PHLDB1: variants seen among roughly 807,000 people sequenced by gnomAD.
PHLDB1 encodes the protein pleckstrin homology-like domain family B member 1.
A neutral mutation model predicts 139.3 loss-of-function variants in PHLDB1; 65 were observed. The ratio of observed to expected loss-of-function variants is 0.47; its 90% confidence interval spans 0.38 to 0.57. The LOEUF (loss-of-function observed/expected upper bound fraction) is 0.57. PHLDB1 is among the 20% of genes least tolerant of loss of function. The pLI is 0.00. For missense variants in PHLDB1, 1,624 were observed against 1,839.7 expected (o/e 0.88, Z 2.14); for synonymous variants, 679 against 734.5 (o/e 0.92, Z 1.22).
At chr11:118,639,118 C>G in intron 11 of PHLDB1, 44 bp from the exon 12 acceptor site, 1 of 1,594,376 alleles carries the variant, frequency 6.3e-7, no homozygotes, top group Non-Finnish European at 8.6e-7. Flanking sequence ...CACACAGTCT[C>G]CTGGCTCCCA....
chr11:118,647,880 T>G (rs1591750365), intron 17 of PHLDB1, 50 bp from the exon 18 acceptor site: 5 of 1,535,698 alleles, frequency 3.3e-6, no homozygotes, highest in South Asian at 2.4e-5. Flanking sequence ...AGAGGGCCAG[T>G]GGGGGGAAGA....
intron 1 of PHLDB1, among the ~76,000 whole-genome samples, chr11:118,612,879 G>A (rs537395158): frequency 2.6e-5 from 4 of 152,282 alleles, no homozygotes; most frequent in African/African-American, 9.6e-5. Flanking sequence ...CAGCAAGTGG[G>A]AAGTTTCTCA....
rs1944198190 is a variant in PHLDB1 at position 118,628,212 on chromosome 11, T to C, written c.1389T>C (p.Ser463=). 1.2e-6 allele frequency: 2 copies of C among 1,614,032 alleles called. No individual in the cohort carries two copies. Among genetic ancestry groups the C allele is most frequent in the Non-Finnish European group, 1.7e-6 (2 of 1,179,960 alleles). The change falls in exon 6 of 23, where the codon TCT becomes TCC. Residue 463 remains serine, a synonymous_variant. Transcript: ENST00000600882. Reference sequence around the variant, plus strand: ...GAGAACTACCCCCCTTAAGTCCATCTCTGTCCCGGCGAGCTCTCTCCCCGC... The same window carrying C: ...GAGAACTACCCCCCTTAAGTCCATCCCTGTCCCGGCGAGCTCTCTCCCCGC... ...SMRELPPLSP[S]LSRRALSPLP...
intron 15 of PHLDB1, chr11:118,644,674 C>T (rs1470294793): frequency 7.8e-7 from 1 of 1,290,006 alleles, no homozygotes; most frequent in South Asian, 1.2e-5. Flanking sequence ...GAGCCCCTCC[C>T]AACCGACGAC....
At chr11:118,627,260 C>T in intron 5 of PHLDB1, 45 bp from the exon 6 acceptor site, 2 of 1,597,216 alleles carry the variant, frequency 1.3e-6, no homozygotes, top group South Asian at 1.1e-5. Flanking sequence ...GGCTTTTATG[C>T]ATATGCAGCT....
intron 4 of PHLDB1, chr11:118,621,505 C>A (rs1469300900): frequency 2.0e-5 from 3 of 152,138 alleles, no homozygotes; most frequent in Non-Finnish European, 4.4e-5. Flanking sequence ...CCCGAGCTAG[C>A]GGGGGCGAGC....
At chr11:118,641,665 C>G in intron 12 of PHLDB1, 7 of 1,289,306 alleles carry the variant, frequency 5.4e-6, no homozygotes, top group Non-Finnish European at 7.1e-6. Context: ...GCCCATGCCC[C>G]CAGCCCCTGT....
At chr11:118,654,894 T>C (rs548454888) in intron 20 of PHLDB1, 1 of 152,262 alleles carries the variant, frequency 6.6e-6, no homozygotes, top group African/African-American at 2.4e-5. Flanking sequence ...ATTTTTGTAT[T>C]TTGAGTAGAG....
intron 6 of PHLDB1, among the ~76,000 whole-genome samples, chr11:118,630,347 T>G (rs1190768263): frequency 1.3e-5 from 2 of 151,288 alleles, no homozygotes; most frequent in African/African-American, 2.4e-5. Flanking sequence ...TGGAGAGGGG[T>G]GGATGAAGTG....
At chr11:118,640,074 C>T in intron 12 of PHLDB1, 3 of 807,864 alleles carry the variant, frequency 3.7e-6, no homozygotes, top group Non-Finnish European at 4.5e-6. Flanking sequence ...CCCCTGCCTA[C>T]AGCTCCTCCC....
chr11:118,622,480 G>C (rs1555096037), intron 4 of PHLDB1, among the ~76,000 whole-genome samples: 1 of 152,218 alleles, frequency 6.6e-6, no homozygotes, highest in African/African-American at 2.4e-5. Flanking sequence ...AGGCAGCATG[G>C]CCACACCCCC....
chr11:118,642,817 G>T (rs948098314), intron 13 of PHLDB1, among the ~76,000 whole-genome samples: 1 of 152,216 alleles, frequency 6.6e-6, no homozygotes, highest in Non-Finnish European at 1.5e-5. Flanking sequence ...CCAGTATTTT[G>T]TTCTCCTGGT....
rs1477919684 is a variant in PHLDB1, at chr11:118,645,094, G to T, written c.3122-262G>T. 1.6e-5 allele frequency: 7 copies of T among 432,920 alleles called. No homozygotes were observed. The East Asian group carries it at 2.6e-4, about 16-fold the overall frequency. 26.8% of individuals were successfully genotyped at this position (432,920 alleles called of 1,614,324 possible). ...TGCTGCCCCAGCACTACTTGGGTAGGTTTGGTGTCCTATATGGACTCAGGG... is the reference window on the plus strand; with the variant it reads ...TGCTGCCCCAGCACTACTTGGGTAGTTTTGGTGTCCTATATGGACTCAGGG... On this transcript the variant is annotated intron_variant, in intron 15 of 22. Transcript: ENST00000600882. This position sits in a 1 kb window ranked among gnomAD's most constrained non-coding sequence, Gnocchi z 5.1.
At chr11:118,643,389 C>A in intron 13 of PHLDB1, 1 of 307,348 alleles carries the variant, frequency 3.3e-6, no homozygotes, top group Non-Finnish European at 4.8e-6. Flanking sequence ...TAGTCCTACC[C>A]CCTTCTTTTG....
At chr11:118,630,124 C>T (rs782701103) in intron 6 of PHLDB1, 27 of 1,209,072 alleles carry the variant, frequency 2.2e-5, no homozygotes, top group African/African-American at 1.6e-5. Flanking sequence ...TCTCCACTTC[C>T]TGCGGTTTGG....
chr11:118,628,289 G>A lies in PHLDB1; in HGVS notation c.1466G>A (p.Ser489Asn). ...AAGCTAAACAGGGAAGTGGCAGAGA[G>A]TCCTCGGCCCCGGCGCTGGGCAGCC... ...DPKLNREVAE[S>N]PRPRRWAAHG... Residue 489 changes from serine (S) to asparagine (N), a missense_variant, in exon 6 of 23, where the codon AGT becomes AAT. Ser to Asn is a conservative substitution (Grantham distance 46, BLOSUM62 1). Coordinates refer to ENST00000600882, the MANE Select transcript of PHLDB1 (RefSeq NM_001144758.3). 6.2e-7 allele frequency: 1 copy of A among 1,613,974 alleles called. No homozygotes were observed. Among genetic ancestry groups the A allele is most frequent in the Non-Finnish European group, 8.5e-7 (1 of 1,179,986 alleles).
chr11:118,622,551 A>G (rs964098211), intron 4 of PHLDB1, among the ~76,000 whole-genome samples: 2 of 152,190 alleles, frequency 1.3e-5, no homozygotes, highest in Non-Finnish European at 2.9e-5. Context: ...ATAGGGGCCC[A>G]GGCAGAGGAT....
Position 118,639,101 on chromosome 11 carries a change from C to T in PHLDB1, c.2647-61C>T, listed in dbSNP as rs1034512937. 7.7e-6 allele frequency: 12 copies of T among 1,548,660 alleles called. No individual in the cohort carries two copies. The African/African-American group carries it at 1.2e-4, about 16-fold the overall frequency. On this transcript the variant is annotated intron_variant, in intron 11 of 22. Coordinates refer to ENST00000600882, the MANE Select transcript of PHLDB1 (RefSeq NM_001144758.3). ...AAATGTGCTGGGGTGGAGCACAGGG[C>T]CCCCCTCACACAGTCTCCTGGCTCC...
At chr11:118,629,725 A>C (rs1555108065) in intron 6 of PHLDB1, among the ~76,000 whole-genome samples, 3 of 152,000 alleles carry the variant, frequency 2.0e-5, no homozygotes, top group African/African-American at 7.3e-5. Context: ...CTGTTTTTGC[A>C]TTGGTCTAGA....
Sources: allele counts gnomAD v4.1 joint callset (sites outside exome capture counted in the v4.1 genomes callset), GRCh38; gene constraint gnomAD v4.1.1; non-coding constraint Gnocchi (gnomAD v3.1); transcripts MANE v1.5; gene names NCBI Gene and HGNC (gene_info 2026-07-23, HGNC 2026-07-21).